HS6ST3: variants seen among roughly 807,000 people sequenced by gnomAD.
The protein encoded by HS6ST3 is heparan-sulfate 6-O-sulfotransferase 3.
Under a neutral mutation model 36.7 loss-of-function variants are expected in HS6ST3, and 12 were observed. The ratio of observed to expected loss-of-function variants is 0.33; its 90% CI spans 0.21 to 0.53. HS6ST3 has a LOEUF of 0.53. HS6ST3 is among the 20% of genes least tolerant of loss of function. The probability of loss-of-function intolerance (pLI) is 0.95; values close to 1 mark genes in which losing one functional copy is unlikely to be tolerated. For missense variants in HS6ST3, 584 were observed against 640.9 expected (o/e 0.91, Z 0.96); for synonymous variants, 240 against 257.5 (o/e 0.93, Z 0.65).
intron 1 of HS6ST3, among the ~76,000 whole-genome samples, chr13:96,354,767 GTAGTT>G (rs1460302435): frequency 1.3e-5 from 2 of 151,976 alleles, no homozygotes; most frequent in Admixed American, 1.3e-4. Flanking sequence ...CTCAGCATTA[GTAGTT>G]TAAAGTACCC....
chr13:96,632,457 G>A (rs901333129), intron 1 of HS6ST3, among the ~76,000 whole-genome samples: 2 of 151,994 alleles, frequency 1.3e-5, no homozygotes, highest in Non-Finnish European at 2.9e-5. Context: ...CAGTTGTTTT[G>A]GGGGCTCCTG....
rs1424097147 is a variant in HS6ST3, at chr13:96,833,840, C to T, written c.*642C>T. On this transcript the variant is annotated 3_prime_UTR_variant, in exon 2 of 2. Transcript: ENST00000376705. Reference sequence around the variant, plus strand: ...ATCCTACAAAATCCTGACACCATAACCTTAAGCCATGCCTTTCCTTCCATC... The same window carrying T: ...ATCCTACAAAATCCTGACACCATAATCTTAAGCCATGCCTTTCCTTCCATC... 1 of 152,240 alleles carries T rather than the reference C, an allele frequency of 6.6e-6. No individual in the cohort carries two copies. Among genetic ancestry groups the T allele is most frequent in the Non-Finnish European group, 1.5e-5 (1 of 68,094 alleles). 9.4% of individuals were successfully genotyped at this position (152,240 alleles called of 1,614,324 possible).
At chr13:96,351,320 C>CTTTTTTTTTTTTTTTTT (rs11348541) in intron 1 of HS6ST3, among the ~76,000 whole-genome samples, 1 of 143,152 alleles carries the variant, frequency 7.0e-6, no homozygotes, top group African/African-American at 2.7e-5. Flanking sequence ...AGGTGGCAGT[C>CTTTTTTTTTTTTTTTTT]TTTTTTTTTT....
chr13:96,703,118 T>G (rs1198915677), intron 1 of HS6ST3, among the ~76,000 whole-genome samples: 3 of 152,234 alleles, frequency 2.0e-5, no homozygotes, highest in Non-Finnish European at 4.4e-5. Flanking sequence ...ATTCCTTACA[T>G]TAATTTCAAA....
chr13:96,690,643 A>C (rs1182194379), intron 1 of HS6ST3, among the ~76,000 whole-genome samples: 1 of 152,082 alleles, frequency 6.6e-6, no homozygotes, highest in East Asian at 1.9e-4. Flanking sequence ...AAGTGCTGTC[A>C]AGGACTTCTG....
intron 1 of HS6ST3, among the ~76,000 whole-genome samples, chr13:96,392,418 G>A (rs528969133): frequency 3.2e-4 from 49 of 152,256 alleles, no homozygotes; most frequent in African/African-American, 1.1e-3. Context: ...AGGCAACTGG[G>A]GTGGGGTAAT....
chr13:96,519,311 C>T (rs2056084464), intron 1 of HS6ST3, among the ~76,000 whole-genome samples: 1 of 152,192 alleles, frequency 6.6e-6, no homozygotes, highest in Admixed American at 6.5e-5. Context: ...AGTCTGTCTC[C>T]TAGAGAAGAG....
chr13:96,239,540 T>C (rs1374464269), intron 1 of HS6ST3, among the ~76,000 whole-genome samples: 1 of 152,240 alleles, frequency 6.6e-6, no homozygotes, highest in Non-Finnish European at 1.5e-5. Flanking sequence ...ACAATGCTTT[T>C]TGCAAGGCAT....
At chr13:96,225,101 G>T (rs1171908738) in intron 1 of HS6ST3, among the ~76,000 whole-genome samples, 1 of 152,206 alleles carries the variant, frequency 6.6e-6, no homozygotes, top group African/African-American at 2.4e-5. Flanking sequence ...AGTATTTTGG[G>T]AGCTTAAAAT....
At chr13:96,645,228 G>C (rs1027669192) in intron 1 of HS6ST3, among the ~76,000 whole-genome samples, 1 of 151,886 alleles carries the variant, frequency 6.6e-6, no homozygotes, top group African/African-American at 2.4e-5. Flanking sequence ...AAAGCCAGTT[G>C]TGTTCTTGGT....
chr13:96,343,435 T>C (rs149805761), intron 1 of HS6ST3, among the ~76,000 whole-genome samples: 8 of 152,298 alleles, frequency 5.3e-5, no homozygotes, highest in Non-Finnish European at 1.2e-4. Context: ...TGAGCCCTTC[T>C]CATATTGTGT....
intron 1 of HS6ST3, among the ~76,000 whole-genome samples, chr13:96,633,876 G>T (rs1316464903): frequency 1.3e-5 from 2 of 152,188 alleles, no homozygotes; most frequent in African/African-American, 4.8e-5. Flanking sequence ...CTGAAACTCA[G>T]TGAAGGGTCA....
intron 1 of HS6ST3, among the ~76,000 whole-genome samples, chr13:96,671,827 A>G (rs1211537122): frequency 6.6e-6 from 1 of 152,182 alleles, no homozygotes; most frequent in Non-Finnish European, 1.5e-5. Context: ...AGGATGGGTT[A>G]AGACCTCAGC....
chr13:96,234,438 C>T (rs2054524336), intron 1 of HS6ST3, among the ~76,000 whole-genome samples: 2 of 151,978 alleles, frequency 1.3e-5, no homozygotes, highest in Non-Finnish European at 2.9e-5. Flanking sequence ...TTAGTCTGTT[C>T]TCATGCTGCT....
chr13:96,141,572 C>A (rs2054032211), intron 1 of HS6ST3, among the ~76,000 whole-genome samples: 1 of 152,080 alleles, frequency 6.6e-6, no homozygotes, highest in Admixed American at 6.5e-5. Context: ...AAGTGATCCG[C>A]CTGCCTCAGC....
At chr13:96,305,278 C>A (rs1415058999) in intron 1 of HS6ST3, among the ~76,000 whole-genome samples, 1 of 151,998 alleles carries the variant, frequency 6.6e-6, no homozygotes, top group African/African-American at 2.4e-5. Context: ...CTGAAAAATT[C>A]ATATTTATCC....
chr13:96,669,873 T>G (rs2056677357), intron 1 of HS6ST3, among the ~76,000 whole-genome samples: 1 of 152,000 alleles, frequency 6.6e-6, no homozygotes, highest in Non-Finnish European at 1.5e-5. Context: ...CATGAGTGGG[T>G]TTTGAGGAAG....
chr13:96,708,572 G>A (rs1039634661), intron 1 of HS6ST3, among the ~76,000 whole-genome samples: 11 of 152,058 alleles, frequency 7.2e-5, no homozygotes, highest in Admixed American at 3.9e-4. Flanking sequence ...TAGAGCCTCT[G>A]TCCTCTCCAT....
At chr13:96,552,370 C>T (rs1444400350) in intron 1 of HS6ST3, among the ~76,000 whole-genome samples, 1 of 152,124 alleles carries the variant, frequency 6.6e-6, no homozygotes, top group East Asian at 1.9e-4. Context: ...CAGTAGCTGA[C>T]CCCAGCTACT....
Sources: allele counts gnomAD v4.1 joint callset (sites outside exome capture counted in the v4.1 genomes callset), GRCh38; gene constraint gnomAD v4.1.1; transcripts MANE v1.5; gene names NCBI Gene and HGNC (gene_info 2026-07-23, HGNC 2026-07-21).